Variants in WDPCP observed in about 807,000 individuals in gnomAD.
The protein encoded by WDPCP is WD repeat containing planar cell polarity effector.
In WDPCP, 71 loss-of-function variants were observed where a neutral mutation model predicts 93.1. That is an observed-to-expected ratio of 0.76 (90% CI 0.63 to 0.93). WDPCP has a LOEUF of 0.93. Ranked by LOEUF, WDPCP falls within the 40% of genes least tolerant of loss-of-function variation. The pLI is 0.00. For missense variants in WDPCP, 844 were observed against 887.4 expected, an observed-to-expected ratio of 0.95 and a Z score of 0.62; for synonymous variants, 315 against 315.0, an observed-to-expected ratio of 1.00 and a Z score of 0.00.
intron 6 of WDPCP, among the ~76,000 whole-genome samples, chr2:63,456,335 T>G (rs1698620000): frequency 6.6e-6 from 1 of 152,132 alleles, no homozygotes; most frequent in Non-Finnish European, 1.5e-5. Flanking sequence ...GAGGATCACT[T>G]GAACCCGGGA....
intron 13 of WDPCP, among the ~76,000 whole-genome samples, chr2:63,309,981 T>C (rs1438751080): frequency 1.3e-5 from 2 of 152,182 alleles, no homozygotes; most frequent in Non-Finnish European, 2.9e-5. Context: ...AGAGACTACT[T>C]GTTTTTAAAC....
chr2:63,145,058 G>C (rs1439009083), intron 17 of WDPCP, among the ~76,000 whole-genome samples: 1 of 152,150 alleles, frequency 6.6e-6, no homozygotes, highest in East Asian at 1.9e-4. Context: ...TGGTTTATCT[G>C]GCTCCAGGCT....
intron 2 of WDPCP, among the ~76,000 whole-genome samples, chr2:63,721,390 TGTC>T (rs978039830): frequency 1.3e-5 from 2 of 152,188 alleles, no homozygotes; most frequent in African/African-American, 4.8e-5. Context: ...CTCTGGAACT[TGTC>T]TATTATGGCC....
chr2:63,756,272 G>A (rs1669967168), intron 2 of WDPCP, among the ~76,000 whole-genome samples: 1 of 152,140 alleles, frequency 6.6e-6, no homozygotes, highest in Admixed American at 6.5e-5. Context: ...ACACTTGATT[G>A]GAATGATAGA....
chr2:63,701,685 C>A (rs753306522), intron 2 of WDPCP, among the ~76,000 whole-genome samples: 4 of 152,108 alleles, frequency 2.6e-5, no homozygotes, highest in East Asian at 1.9e-4. Context: ...AGAATGAAAT[C>A]CTGTCACATG....
At chr2:63,313,214 T>TAAGGCACAACTTA in intron 13 of WDPCP, 34 bp downstream of exon 13, 1 of 1,597,904 alleles carries the variant, frequency 6.3e-7, no homozygotes, top group Non-Finnish European at 8.6e-7. Flanking sequence ...GCCTTAGAAC[T>TAAGGCACAACTTA]GAAGGCACAA....
At chr2:63,404,784 T>C (rs1694440385) in intron 9 of WDPCP, 127 bp from the exon 10 acceptor site, 2 of 1,142,820 alleles carry the variant, frequency 1.8e-6, no homozygotes, top group Non-Finnish European at 1.3e-6. Flanking sequence ...ATCAGCAACA[T>C]ACAAGTATAT....
rs149987446 is a variant in WDPCP, at chr2:63,120,393, T to A, written c.*1613A>T. Among the ~76,000 whole-genome samples, 188 of 152,170 alleles carry A rather than the reference T, an allele frequency of 1.2e-3. 1 individual carries two copies. In the East Asian group the frequency reaches 0.027, roughly 22 times the overall value. Reference sequence around the variant, plus strand: ...ACCCTCTGGTAGAGGTACAGATAAATGGGAAGTAGAAAGAAAAATTTGAAG... The same window carrying A: ...ACCCTCTGGTAGAGGTACAGATAAAAGGGAAGTAGAAAGAAAAATTTGAAG... On this transcript the variant is annotated 3_prime_UTR_variant, in exon 18 of 18. Coordinates refer to ENST00000272321, the MANE Select transcript of WDPCP (RefSeq NM_015910.7).
chr2:63,520,495 CA>C (rs1395391149), intron 1 of WDPCP, among the ~76,000 whole-genome samples: 1 of 152,156 alleles, frequency 6.6e-6, no homozygotes, highest in Non-Finnish European at 1.5e-5. Context: ...AGAGAAGGAG[CA>C]GGTCACCTAG....
chr2:63,456,478 C>G (rs575224947), intron 6 of WDPCP, among the ~76,000 whole-genome samples: 5 of 152,038 alleles, frequency 3.3e-5, no homozygotes, highest in African/African-American at 1.2e-4. Flanking sequence ...ACAATATACC[C>G]AAGCCTGTGC....
At chr2:63,585,898 G>A (rs1012302327) in intron 1 of WDPCP, among the ~76,000 whole-genome samples, 2 of 142,140 alleles carry the variant, frequency 1.4e-5, no homozygotes, top group African/African-American at 2.7e-5. Context: ...GTGCAGTGAT[G>A]CCAGTGCAAC....
chr2:63,223,871 G>C (rs143056107), intron 14 of WDPCP, among the ~76,000 whole-genome samples: 1 of 152,042 alleles, frequency 6.6e-6, no homozygotes, highest in East Asian at 1.9e-4. Flanking sequence ...GTGTGTTTCT[G>C]GCTTATTTGC....
chr2:63,259,193 G>T, intron 14 of WDPCP, 114 bp downstream of exon 14: 1 of 891,308 alleles, frequency 1.1e-6, no homozygotes, highest in Non-Finnish European at 1.8e-6. Flanking sequence ...ATAAGGCACT[G>T]TCTTTACAAA....
At chr2:63,241,605 T>TTAAAG (rs1263275626) in intron 14 of WDPCP, among the ~76,000 whole-genome samples, 1 of 152,162 alleles carries the variant, frequency 6.6e-6, no homozygotes, top group Non-Finnish European at 1.5e-5. Context: ...TTTTTAATTT[T>TTAAAG]TAAAGTATTT....
chr2:63,811,344 C>G (rs1225577137), intron 2 of WDPCP, among the ~76,000 whole-genome samples: 2 of 152,218 alleles, frequency 1.3e-5, no homozygotes, highest in Non-Finnish European at 1.5e-5. Context: ...CTCACAGACT[C>G]ACTCTAGAGA....
chr2:63,179,725 G>T (rs1674093171), intron 14 of WDPCP, among the ~76,000 whole-genome samples: 1 of 152,018 alleles, frequency 6.6e-6, no homozygotes, highest in African/African-American at 2.4e-5. Context: ...GTCTCAAGAG[G>T]CTTTCTAATT....
intron 12 of WDPCP, among the ~76,000 whole-genome samples, chr2:63,376,817 C>T (rs1432371344): frequency 6.6e-6 from 1 of 151,848 alleles, no homozygotes; most frequent in Non-Finnish European, 1.5e-5. Flanking sequence ...TATCATAACC[C>T]TTGCAATATT....
chr2:63,296,268 CA>C (rs1162923940), intron 13 of WDPCP, among the ~76,000 whole-genome samples: 1 of 149,588 alleles, frequency 6.7e-6, no homozygotes, highest in East Asian at 2.0e-4. Context: ...AAACCCTTGG[CA>C]AACTATGCAT....
At chr2:63,305,634 C>A (rs6714298) in intron 13 of WDPCP, among the ~76,000 whole-genome samples, 121,845 of 152,076 alleles carry the variant, frequency 0.8, 49,672 homozygotes, top group East Asian at 0.96. Context: ...TTCCAAAAAC[C>A]AGAAAGCTGC....
Sources: allele counts gnomAD v4.1 joint callset (sites outside exome capture counted in the v4.1 genomes callset), GRCh38; gene constraint gnomAD v4.1.1; transcripts MANE v1.5; gene names NCBI Gene and HGNC (gene_info 2026-07-23, HGNC 2026-07-21).